The following EPHA3 variants were observed in gnomAD, a reference collection of about 807,000 sequenced individuals.
EPHA3 encodes EPH receptor A3, also known as ephrin type-A receptor 3.
In EPHA3, 42 loss-of-function variants were observed where a neutral mutation model predicts 107.1. The ratio of observed to expected loss-of-function variants is 0.39; its 90% CI spans 0.31 to 0.51. The LOEUF is 0.51. Ranked by LOEUF, EPHA3 falls within the 20% of genes least tolerant of loss-of-function variation. The pLI is 0.78. For missense variants in EPHA3, 1,183 were observed against 1,211.2 expected, an observed-to-expected ratio of 0.98 and a Z score of 0.35; for synonymous variants, 461 against 424.8, an observed-to-expected ratio of 1.09 and a Z score of -1.05.
intron 3 of EPHA3, among the ~76,000 whole-genome samples, chr3:89,307,058 A>G (rs1251270218): frequency 1.3e-5 from 2 of 152,230 alleles, no homozygotes; most frequent in Non-Finnish European, 1.5e-5. Flanking sequence ...GCATAATGAT[A>G]TAAGTTATTA....
intron 2 of EPHA3, among the ~76,000 whole-genome samples, chr3:89,161,023 T>C (rs1350148658): frequency 6.6e-6 from 1 of 152,164 alleles, no homozygotes; most frequent in East Asian, 1.9e-4. Flanking sequence ...AAATTAGCAG[T>C]AAGTCCACTA....
chr3:89,290,101 C>T (rs1022441208), intron 3 of EPHA3, among the ~76,000 whole-genome samples: 18 of 152,038 alleles, frequency 1.2e-4, no homozygotes, highest in Admixed American at 4.6e-4. Context: ...TCTTGTTGGA[C>T]GGTTCTTCTG....
At chr3:89,116,183 A>C (rs1305799334) in intron 1 of EPHA3, among the ~76,000 whole-genome samples, 1 of 152,138 alleles carries the variant, frequency 6.6e-6, no homozygotes, top group African/African-American at 2.4e-5. Context: ...CTGACACTCA[A>C]ACACTCCTTT....
chr3:89,269,743 A>C (rs1705621923), intron 3 of EPHA3, among the ~76,000 whole-genome samples: 1 of 117,224 alleles, frequency 8.5e-6, no homozygotes, highest in African/African-American at 2.9e-5. Flanking sequence ...TCCCAATGCT[A>C]TCCCTCCCCC....
intron 2 of EPHA3, among the ~76,000 whole-genome samples, chr3:89,162,168 A>G (rs1481471964): frequency 6.6e-6 from 1 of 152,018 alleles, no homozygotes; most frequent in Admixed American, 6.6e-5. Context: ...GAAAAGGGGT[A>G]TTACTTAAAA....
At chr3:89,379,267 A>T (rs1382858694) in intron 5 of EPHA3, among the ~76,000 whole-genome samples, 1 of 152,222 alleles carries the variant, frequency 6.6e-6, no homozygotes, top group Non-Finnish European at 1.5e-5. Context: ...AAGTATTAGT[A>T]AACCCAAGCA....
intron 2 of EPHA3, among the ~76,000 whole-genome samples, chr3:89,182,587 C>A (rs775258960): frequency 2.6e-5 from 4 of 151,736 alleles, no homozygotes; most frequent in Admixed American, 6.6e-5. Flanking sequence ...AAAGGTCAAT[C>A]CATACATAAA....
At chr3:89,211,469 G>T (rs1214248641) in intron 3 of EPHA3, among the ~76,000 whole-genome samples, 1 of 151,952 alleles carries the variant, frequency 6.6e-6, no homozygotes, top group Non-Finnish European at 1.5e-5. Flanking sequence ...CCATTTTAAT[G>T]CCCTTGCTTG....
intron 5 of EPHA3, among the ~76,000 whole-genome samples, chr3:89,375,165 C>T (rs1340173160): frequency 2.0e-5 from 3 of 151,470 alleles, no homozygotes; most frequent in Non-Finnish European, 4.4e-5. Flanking sequence ...CCAAAACTAC[C>T]CAGTGACACA....
chr3:89,142,984 C>T (rs888864310), intron 2 of EPHA3, among the ~76,000 whole-genome samples: 8 of 151,056 alleles, frequency 5.3e-5, no homozygotes, highest in Non-Finnish European at 1.0e-4. Flanking sequence ...CTCTTTTAAC[C>T]TTTTAGCTAA....
At chr3:89,460,283 C>A (rs1178557304) in intron 15 of EPHA3, among the ~76,000 whole-genome samples, 1 of 151,140 alleles carries the variant, frequency 6.6e-6, no homozygotes, top group Admixed American at 6.7e-5. Context: ...AATTCAAATT[C>A]TTGACACAAA....
chr3:89,399,182 C>A, intron 6 of EPHA3, 136 bp from the exon 7 acceptor site: 1 of 826,820 alleles, frequency 1.2e-6, no homozygotes, highest in Non-Finnish European at 1.8e-6. Context: ...TTGAAATAAT[C>A]GATATGACTT....
chr3:89,278,163 G>A (rs1705856041), intron 3 of EPHA3, among the ~76,000 whole-genome samples: 1 of 152,112 alleles, frequency 6.6e-6, no homozygotes, highest in Non-Finnish European at 1.5e-5. Flanking sequence ...AGGCTAGTAT[G>A]TTATATATAT....
intron 3 of EPHA3, among the ~76,000 whole-genome samples, chr3:89,286,805 T>A (rs1241214103): frequency 3.3e-5 from 5 of 152,126 alleles, no homozygotes; most frequent in Non-Finnish European, 7.4e-5. Context: ...AAATAATGTG[T>A]TGATTCACTT....
At chr3:89,472,372 G>A (rs1710419866) in intron 15 of EPHA3, 92 bp from the exon 16 acceptor site, 2 of 1,329,150 alleles carry the variant, frequency 1.5e-6, no homozygotes, top group Admixed American at 2.0e-5. Flanking sequence ...TATGAAGTCT[G>A]GAAGTTCCTG....
intron 3 of EPHA3, among the ~76,000 whole-genome samples, chr3:89,255,970 G>A (rs1273697000): frequency 6.6e-6 from 1 of 151,984 alleles, no homozygotes; most frequent in Non-Finnish European, 1.5e-5. Context: ...ACACCTGTCT[G>A]TATACCCAGC....
At chr3:89,130,608 G>A (rs1704185186) in intron 2 of EPHA3, among the ~76,000 whole-genome samples, 1 of 150,350 alleles carries the variant, frequency 6.7e-6, no homozygotes, top group Non-Finnish European at 1.5e-5. Flanking sequence ...AATTTTCTTG[G>A]GAGTAGTATT....
intron 2 of EPHA3, among the ~76,000 whole-genome samples, chr3:89,160,879 G>A (rs773735863): frequency 1.3e-5 from 2 of 151,982 alleles, no homozygotes; most frequent in Non-Finnish European, 2.9e-5. Context: ...TTTCAGAGTG[G>A]TTCTCCAATT....
chr3:89,416,953 CA>C (rs991305652), intron 10 of EPHA3, among the ~76,000 whole-genome samples: 1 of 151,470 alleles, frequency 6.6e-6, no homozygotes, highest in African/African-American at 2.4e-5. Context: ...CCATCTCTTA[CA>C]TTAACATAGA....
Sources: gnomAD v4.1 joint callset for allele counts (sites outside exome capture counted in the v4.1 genomes callset) on GRCh38, gnomAD v4.1.1 for gene constraint, MANE v1.5 for transcripts, NCBI Gene and HGNC (gene_info 2026-07-23, HGNC 2026-07-21) for gene names.